FER1L6: variants seen among roughly 807,000 people sequenced by gnomAD.
FER1L6 encodes the protein fer-1 like family member 6.
Under a neutral mutation model 219.2 loss-of-function variants are expected in FER1L6, and 177 were observed. The ratio of observed to expected loss-of-function variants is 0.81; its 90% CI spans 0.71 to 0.91. The LOEUF is 0.91. Ranked by LOEUF, FER1L6 falls within the 40% of genes least tolerant of loss-of-function variation. The probability of loss-of-function intolerance (pLI) is 0.00; values close to 1 mark genes in which losing one functional copy is unlikely to be tolerated. For synonymous variants in FER1L6, 768 were observed against 824.3 expected (o/e 0.93, Z 1.17); for missense variants, 2,153 against 2,259.9 (o/e 0.95, Z 0.96).
chr8:124,021,535 C>G lies in FER1L6; in HGVS notation c.2014-15C>G. ...ATCTCTCGAAAGACCCACACTGACT[C>G]TTGTCTTGTTTTAGGAAGCAATGTG... On this transcript the variant is annotated splice_polypyrimidine_tract_variant and intron_variant, in intron 16 of 40. Transcript: ENST00000522917. 1 of 1,613,634 alleles carries G rather than the reference C, an allele frequency of 6.2e-7. No individual in the cohort carries two copies. The highest frequency in any genetic ancestry group is 1.1e-5 in the South Asian group (1 of 91,058).
At chr8:123,967,470 C>T (rs1815601441) in intron 5 of FER1L6, among the ~76,000 whole-genome samples, 2 of 152,146 alleles carry the variant, frequency 1.3e-5, no homozygotes, top group African/African-American at 4.8e-5. Flanking sequence ...ACATGAAATG[C>T]TTTTAACCTT....
intron 1 of FER1L6, among the ~76,000 whole-genome samples, chr8:123,947,599 A>C (rs145289952): frequency 4.6e-5 from 7 of 152,294 alleles, no homozygotes; most frequent in African/African-American, 1.7e-4. Context: ...TCCATAATTC[A>C]ACATTCATTG....
intron 18 of FER1L6, among the ~76,000 whole-genome samples, chr8:124,030,176 A>G (rs1375783878): frequency 6.6e-6 from 1 of 152,146 alleles, no homozygotes; most frequent in Admixed American, 6.5e-5. Flanking sequence ...TTTTAAGCCC[A>G]CATTTGTCAA....
intron 25 of FER1L6, among the ~76,000 whole-genome samples, chr8:124,063,047 A>T (rs1478364175): frequency 1.3e-5 from 2 of 152,050 alleles, no homozygotes; most frequent in Non-Finnish European, 2.9e-5. Flanking sequence ...TTTAACTTGT[A>T]TTTCTCTGCT....
chr8:124,039,554 T>C (rs1819377099), intron 19 of FER1L6, among the ~76,000 whole-genome samples: 1 of 152,202 alleles, frequency 6.6e-6, no homozygotes, highest in Admixed American at 6.5e-5. Context: ...GTGCAAACTT[T>C]TGAAAGTCTT....
chr8:123,899,601 AAG>A (rs1812822326), intron 1 of FER1L6, among the ~76,000 whole-genome samples: 1 of 152,152 alleles, frequency 6.6e-6, no homozygotes, highest in South Asian at 2.1e-4. Context: ...CAATGTCCAG[AAG>A]AGTTTTTCCA....
At chr8:123,925,756 G>A (rs976302001) in intron 1 of FER1L6, 2 of 152,184 alleles carry the variant, frequency 1.3e-5, no homozygotes, top group Admixed American at 6.5e-5. Context: ...GGGGTTGTTT[G>A]GTCTTTTCCA....
chr8:124,112,119 G>A (rs1823045291), intron 39 of FER1L6, among the ~76,000 whole-genome samples: 1 of 152,174 alleles, frequency 6.6e-6, no homozygotes, highest in African/African-American at 2.4e-5. Flanking sequence ...AGGTTAGACT[G>A]GGTGCCTCCA....
At chr8:124,118,125 T>C (rs28625683) in intron 39 of FER1L6, among the ~76,000 whole-genome samples, 8,678 of 152,156 alleles carry the variant, frequency 0.057, 806 homozygotes, top group African/African-American at 0.19. Context: ...TAGAACAGTG[T>C]GTGGCATACA....
intron 22 of FER1L6, among the ~76,000 whole-genome samples, chr8:124,059,557 C>A (rs1249851037): frequency 6.6e-6 from 1 of 152,132 alleles, no homozygotes; most frequent in Non-Finnish European, 1.5e-5. Context: ...CTCTGTAAGT[C>A]CTTTGTGTGA....
chr8:124,054,515 C>A (rs1166445630), intron 22 of FER1L6, among the ~76,000 whole-genome samples: 1 of 152,110 alleles, frequency 6.6e-6, no homozygotes, highest in Admixed American at 6.5e-5. Context: ...TTAATATTCC[C>A]TGAAGAGGAA....
At chr8:124,042,247 C>G (rs1819534732) in intron 20 of FER1L6, among the ~76,000 whole-genome samples, 1 of 152,190 alleles carries the variant, frequency 6.6e-6, no homozygotes, top group Non-Finnish European at 1.5e-5. Flanking sequence ...TTTTATTTGT[C>G]AAATAATTAT....
chr8:123,975,241 C>T lies in FER1L6; in HGVS notation c.618C>T (p.Val206=). ...TKGYLKCDIS[V]MGKGDVLKTS... ...GGTACCTGAAATGTGACATCAGTGT[C>T]ATGGGAAAAGGTGATGTCTTGAAGA... The change falls in exon 8 of 41, where the codon GTC becomes GTT. Residue 206 remains valine, a synonymous_variant. Transcript: ENST00000522917. The T allele has an allele frequency of 6.2e-7, 1 of 1,613,398 alleles. No homozygotes were observed. Among genetic ancestry groups the T allele is most frequent in the Non-Finnish European group, 8.5e-7 (1 of 1,179,736 alleles).
At chr8:124,098,786 CCTT>C (rs1189962950) in intron 37 of FER1L6, among the ~76,000 whole-genome samples, 4 of 152,132 alleles carry the variant, frequency 2.6e-5, no homozygotes, top group African/African-American at 9.7e-5. Flanking sequence ...CAGAAGCTGA[CCTT>C]CTGGAAAATG....
chr8:123,874,174 A>G (rs1816966448), intron 1 of FER1L6, among the ~76,000 whole-genome samples: 1 of 152,218 alleles, frequency 6.6e-6, no homozygotes, highest in Non-Finnish European at 1.5e-5. Flanking sequence ...TTTTATTTCC[A>G]TGACTACAAA....
At position 124,118,908 on chromosome 8, in the gene FER1L6, A is replaced by G. The variant is rs904250106; in HGVS notation, c.5354A>G (p.Lys1785Arg). ...AEEAEKNPVG[K>R]ARKEPEPLAK... is the part of the protein sequence containing the mutation. ...GAAGCTGAGAAAAATCCTGTTGGAAAAGCCCGAAAGGAGCCAGAGCCCCTG... is the reference window on the plus strand; with the variant it reads ...GAAGCTGAGAAAAATCCTGTTGGAAGAGCCCGAAAGGAGCCAGAGCCCCTG... The change falls in exon 40 of 41, where the codon AAA becomes AGA. Residue 1785 changes from lysine (K) to arginine (R), a missense_variant. Coordinates refer to ENST00000522917, the MANE Select transcript of FER1L6 (RefSeq NM_001039112.2). 16 of 1,613,822 alleles carry G rather than the reference A, an allele frequency of 9.9e-6. No individual in the cohort carries two copies. The highest frequency in any genetic ancestry group is 1.3e-5 in the African/African-American group (1 of 74,888).
At chr8:123,958,894 G>A (rs1815142076) in intron 2 of FER1L6, among the ~76,000 whole-genome samples, 1 of 151,588 alleles carries the variant, frequency 6.6e-6, no homozygotes, top group Non-Finnish European at 1.5e-5. Context: ...AAGCAGCAGA[G>A]AGCTTGTGAG....
Position 124,010,698 on chromosome 8 carries a change from A to G in FER1L6, c.1805A>G (p.Lys602Arg). 1.9e-6 allele frequency: 3 copies of G among 1,613,632 alleles called. No individual in the cohort carries two copies. The highest frequency in any genetic ancestry group is 2.5e-6 in the Non-Finnish European group (3 of 1,179,854). ...CTGCACTGGTCCAACATGCTGGAGA[A>G]AATGGCAGACTTCCTGGTAGGTGAC... Reference protein sequence around the residue: ...FRLHWSNMLEKMADFLEESIE... With the variant: ...FRLHWSNMLERMADFLEESIE... The change falls in exon 14 of 41, where the codon AAA (lysine) becomes AGA (arginine). Residue 602 changes from lysine to arginine, a missense_variant. Lys to Arg is a conservative substitution (Grantham distance 26). Coordinates refer to ENST00000522917, the MANE Select transcript of FER1L6 (RefSeq NM_001039112.2).
chr8:124,108,432 G>C (rs77619736), intron 39 of FER1L6, among the ~76,000 whole-genome samples: 1,550 of 152,228 alleles, frequency 0.01, 28 homozygotes, highest in African/African-American at 0.036. Flanking sequence ...TCAGATTTTC[G>C]CTTGAGCCAT....
Sources: allele counts gnomAD v4.1 joint callset (sites outside exome capture counted in the v4.1 genomes callset), GRCh38; gene constraint gnomAD v4.1.1; transcripts MANE v1.5; gene names NCBI Gene and HGNC (gene_info 2026-07-23, HGNC 2026-07-21).